Variants in DLGAP1 observed in about 807,000 individuals in gnomAD.
DLGAP1 encodes disks large-associated protein 1.
DLGAP1 carries 11 observed loss-of-function variants against 90.8 expected under a neutral mutation model. That is an observed-to-expected ratio of 0.12 (90% CI 0.08 to 0.20). DLGAP1 has a LOEUF of 0.20. DLGAP1 is among the 10% of genes least tolerant of loss of function. The pLI is 1.00. For missense variants in DLGAP1, 1,050 were observed against 1,333.8 expected, an observed-to-expected ratio of 0.79 and a Z score of 3.31; for synonymous variants, 558 against 540.7, an observed-to-expected ratio of 1.03 and a Z score of -0.44.
At chr18:4,119,879 C>T (rs2076125777) in intron 2 of DLGAP1, among the ~76,000 whole-genome samples, 1 of 152,232 alleles carries the variant, frequency 6.6e-6, no homozygotes, top group African/African-American at 2.4e-5. Context: ...CATAAATATT[C>T]TCACTGGCAA....
intron 2 of DLGAP1, among the ~76,000 whole-genome samples, chr18:4,035,142 G>A (rs764013747): frequency 7.2e-5 from 11 of 152,144 alleles, no homozygotes; most frequent in African/African-American, 1.7e-4. Context: ...AAACATACAC[G>A]TGCATGTGTC....
intron 2 of DLGAP1, among the ~76,000 whole-genome samples, chr18:4,117,972 AG>A (rs892233733): frequency 2.0e-5 from 3 of 151,224 alleles, no homozygotes; most frequent in African/African-American, 7.3e-5. Context: ...GACTATTGCT[AG>A]GTACAGCCTT....
In DLGAP1 at chr18:4,004,212, T is replaced by C. The variant is rs370561178; in HGVS notation, c.-73+904A>G. On this transcript the variant is annotated intron_variant, in intron 3 of 12. Transcript: ENST00000315677. ...TCTATTGTGGATGATGTATCTTCCA[T>C]TACTAATGAAGGATCATAGGAATTG... 1.6e-3 allele frequency among the ~76,000 whole-genome samples: 241 copies of C among 152,338 alleles called. 3 individuals carry two copies. The South Asian group carries it at 0.029, about 18-fold the overall frequency.
At chr18:4,137,719 G>A (rs2076429222) in intron 2 of DLGAP1, among the ~76,000 whole-genome samples, 1 of 152,112 alleles carries the variant, frequency 6.6e-6, no homozygotes, top group Non-Finnish European at 1.5e-5. Flanking sequence ...GCTTTGGATA[G>A]TATGGACATT....
chr18:3,742,953 C>T (rs1355444522), intron 5 of DLGAP1, among the ~76,000 whole-genome samples: 2 of 93,802 alleles, frequency 2.1e-5, no homozygotes, highest in Admixed American at 9.9e-5. Flanking sequence ...AATTTATCTT[C>T]CTTCCTTCCT....
intron 1 of DLGAP1, among the ~76,000 whole-genome samples, chr18:4,267,144 T>G (rs2079148230): frequency 6.6e-6 from 1 of 152,184 alleles, no homozygotes; most frequent in African/African-American, 2.4e-5. Context: ...AATATCCTGA[T>G]GAGACTGAAG....
intron 3 of DLGAP1, among the ~76,000 whole-genome samples, chr18:3,880,532 A>G (rs961852748): frequency 2.0e-5 from 3 of 152,038 alleles, no homozygotes; most frequent in African/African-American, 7.2e-5. Context: ...GCAGAACTTA[A>G]TCAGTGTCCC....
chr18:4,291,501 A>T (rs1430768776), intron 1 of DLGAP1, among the ~76,000 whole-genome samples: 2 of 152,212 alleles, frequency 1.3e-5, no homozygotes, highest in Non-Finnish European at 2.9e-5. Context: ...TATGTCATGT[A>T]TACATATATG....
chr18:4,348,400 A>ATGTGTATGTGTGTGTGTGTGTG lies in DLGAP1; in HGVS notation c.-267+106605_-267+106606insCACACACACACACACATACACA, dbSNP rs71368742. Among the ~76,000 whole-genome samples, 238 of 133,554 alleles carry ATGTGTATGTGTGTGTGTGTGTG rather than the reference A, an allele frequency of 1.8e-3. 2 individuals carry two copies. The highest frequency in any genetic ancestry group is 6.6e-3 in the African/African-American group (217 of 32,708). The allele number at this position is 133,554 out of a possible 152,430, so 87.6% of individuals were successfully genotyped here. ...CAGGTGCCTCAGGATGAACTCAGGA[A>ATGTGTATGTGTGTGTGTGTGTG]TGTGTGTGTGTGTGTGTGTGTGTGT... On this transcript the variant is annotated intron_variant, in intron 1 of 12. Transcript: ENST00000315677.
intron 1 of DLGAP1, among the ~76,000 whole-genome samples, chr18:4,228,001 A>G (rs1327845440): frequency 6.6e-6 from 1 of 151,886 alleles, no homozygotes; most frequent in Non-Finnish European, 1.5e-5. Flanking sequence ...AAATAAAATT[A>G]GAAATGGAAA....
At chr18:3,991,352 G>A (rs959611522) in intron 3 of DLGAP1, among the ~76,000 whole-genome samples, 2 of 152,068 alleles carry the variant, frequency 1.3e-5, no homozygotes, top group Non-Finnish European at 2.9e-5. Context: ...ATTTCCGGTG[G>A]GGGGATAGAG....
chr18:3,728,307 T>C (rs2062265840), intron 7 of DLGAP1, among the ~76,000 whole-genome samples: 1 of 124,426 alleles, frequency 8.0e-6, no homozygotes, highest in Non-Finnish European at 1.6e-5. Flanking sequence ...ATGTTATATA[T>C]ATATATATAT....
chr18:3,648,184 A>G (rs537943749), intron 7 of DLGAP1, among the ~76,000 whole-genome samples: 4 of 152,336 alleles, frequency 2.6e-5, no homozygotes, highest in African/African-American at 9.6e-5. Flanking sequence ...TCACATCCTT[A>G]AGGCTTCTGG....
chr18:3,769,486 C>T (rs559185422), intron 5 of DLGAP1, among the ~76,000 whole-genome samples: 5 of 152,184 alleles, frequency 3.3e-5, no homozygotes, highest in African/African-American at 7.2e-5. Context: ...CCCCAAATTG[C>T]GCACAACCAG....
At chr18:4,155,685 C>T (rs7228168) in intron 1 of DLGAP1, among the ~76,000 whole-genome samples, 15,829 of 152,082 alleles carry the variant, frequency 0.1, 2,220 homozygotes, top group African/African-American at 0.3. Context: ...CAAAGATGAG[C>T]TGTTATGAAT....
At chr18:3,688,148 G>A (rs984316913) in intron 7 of DLGAP1, among the ~76,000 whole-genome samples, 1 of 151,872 alleles carries the variant, frequency 6.6e-6, no homozygotes. Context: ...TGACCTCAGG[G>A]GATCCAACGG....
intron 1 of DLGAP1, among the ~76,000 whole-genome samples, chr18:4,413,240 C>G (rs2082820531): frequency 6.6e-6 from 1 of 152,216 alleles, no homozygotes; most frequent in African/African-American, 2.4e-5. Context: ...AGCCCAGAGA[C>G]CAGCTGCTGC....
intron 3 of DLGAP1, among the ~76,000 whole-genome samples, chr18:3,906,713 A>G (rs1369173942): frequency 2.6e-5 from 4 of 152,238 alleles, no homozygotes; most frequent in Non-Finnish European, 5.9e-5. Flanking sequence ...GGGTGAGACC[A>G]ATGTAAATAA....
chr18:4,196,522 C>T (rs977507516), intron 1 of DLGAP1, among the ~76,000 whole-genome samples: 3 of 152,202 alleles, frequency 2.0e-5, no homozygotes, highest in Non-Finnish European at 4.4e-5. Context: ...ATGCGACAGA[C>T]GTCCACTTCC....
Sources: allele counts gnomAD v4.1 joint callset (sites outside exome capture counted in the v4.1 genomes callset), GRCh38; gene constraint gnomAD v4.1.1; transcripts MANE v1.5; gene names NCBI Gene and HGNC (gene_info 2026-07-23, HGNC 2026-07-21).